The following BAMBI variants were observed in gnomAD, a reference collection of about 807,000 sequenced individuals.
BAMBI encodes BMP and activin membrane bound inhibitor.
In BAMBI, 21 loss-of-function variants were observed where a neutral mutation model predicts 24.1. The observed-to-expected ratio is 0.87, with a 90% confidence interval of 0.62 to 1.26. The LOEUF is 1.26. Ranked by LOEUF, BAMBI falls within the 50% of genes most tolerant of loss-of-function variation. BAMBI has a pLI of 0.00. For synonymous variants in BAMBI, 156 were observed against 123.1 expected (o/e 1.27, Z -1.77); for missense variants, 388 against 329.1 (o/e 1.18, Z -1.38).
intron 1 of BAMBI, 76 bp downstream of exon 1, chr10:28,678,049 T>A (rs1588642621): frequency 1.5e-6 from 2 of 1,344,550 alleles, no homozygotes; most frequent in South Asian, 2.7e-5. Flanking sequence ...AGAGGCTTTG[T>A]TAGCGGCAGG....
In BAMBI at chr10:28,682,134, C is replaced by T. The variant is rs1360248476; in HGVS notation, c.516C>T (p.Ala172=). 4 of 1,613,962 alleles carry T rather than the reference C, an allele frequency of 2.5e-6. No homozygotes were observed. The African/African-American group carries it at 4.0e-5, about 16-fold the overall frequency. Residue 172 remains alanine, a synonymous_variant, in exon 3 of 3, where the codon GCC becomes GCT. Coordinates refer to ENST00000375533, the MANE Select transcript of BAMBI (RefSeq NM_012342.3). ...TTTTAGTGTTGCTTATTATGTTGGC[C>T]CTGAGGATGCTTCGAAGTGAAAATA... The part of the protein sequence containing the change: ...GLILVLLIML[A]LRMLRSENKR...
chr10:28,679,532 T>C (rs532296465), intron 1 of BAMBI, among the ~76,000 whole-genome samples: 111 of 148,630 alleles, frequency 7.5e-4, no homozygotes, highest in African/African-American at 2.7e-3. Context: ...TGGCTCCAAT[T>C]AAAAAAAAAA....
In BAMBI at chr10:28,677,589, G is replaced by A; in HGVS notation, c.-309G>A. On this transcript the variant is annotated 5_prime_UTR_variant, in exon 1 of 3. Transcript: ENST00000375533. ...GTGGAGACCCTACTCTCTTCGCTGA[G>A]AACGGCCGCTAGCGGGGACTGAAGG... 5.0e-6 allele frequency: 1 copy of A among 199,498 alleles called. No individual in the cohort carries two copies. Among genetic ancestry groups the A allele is most frequent in the Non-Finnish European group, 1.0e-5 (1 of 99,678 alleles). The allele number at this position is 199,498 out of a possible 1,614,324, so 12.4% of individuals were successfully genotyped here. A position where few individuals can be genotyped will look rare whatever the true frequency, so the allele number is the denominator to read the frequency against.
rs1169749196 is a variant in BAMBI at position 28,682,394 on chromosome 10, T to C, written c.776T>C (p.Phe259Ser). The change falls in exon 3 of 3, where the codon TTC (phenylalanine) becomes TCC (serine). Residue 259 changes from phenylalanine to serine, a missense_variant. Transcript: ENST00000375533. ...TACAGTGGGCACGGGAAGCTGGAAT[T>C]CGTATGACGGAGTCTTATCTGAACT... ...GMYSGHGKLE[F>S]V 1 of 1,609,496 alleles carries C rather than the reference T, an allele frequency of 6.2e-7. No individual in the cohort carries two copies. The highest frequency in any genetic ancestry group is 8.5e-7 in the Non-Finnish European group (1 of 1,176,146).
intron 1 of BAMBI, 45 bp from the exon 2 acceptor site, chr10:28,681,213 C>G: frequency 6.3e-7 from 1 of 1,578,858 alleles, no homozygotes; most frequent in Non-Finnish European, 8.6e-7. Context: ...GTTGCTTTAT[C>G]TGGTCTCTGG....
chr10:28,678,873 A>G (rs1272750038), intron 1 of BAMBI, among the ~76,000 whole-genome samples: 1 of 150,920 alleles, frequency 6.6e-6, no homozygotes, highest in Non-Finnish European at 1.5e-5. Flanking sequence ...GCAGGCTTTC[A>G]CCTTTTAGAA....
intron 1 of BAMBI, among the ~76,000 whole-genome samples, chr10:28,678,490 T>C (rs1834462745): frequency 6.6e-6 from 1 of 152,234 alleles, no homozygotes; most frequent in African/African-American, 2.4e-5. Context: ...TCTCTTTGAA[T>C]GTATCTCTGA....
At chr10:28,679,793 G>A (rs961764859) in intron 1 of BAMBI, among the ~76,000 whole-genome samples, 2 of 152,188 alleles carry the variant, frequency 1.3e-5, no homozygotes, top group African/African-American at 4.8e-5. Context: ...AGCTTTATGT[G>A]GAAAATAAAG....
chr10:28,677,718 C>G lies in BAMBI; in HGVS notation c.-180C>G. Reference sequence around the variant, plus strand: ...GGGGACCGGGAAACTTTTCTGGGCTCCTGGGCGCGCCCTGTAGCCGCGCTC... The same window carrying G: ...GGGGACCGGGAAACTTTTCTGGGCTGCTGGGCGCGCCCTGTAGCCGCGCTC... On this transcript the variant is annotated 5_prime_UTR_variant, in exon 1 of 3. Coordinates refer to ENST00000375533, the MANE Select transcript of BAMBI (RefSeq NM_012342.3). The G allele has an allele frequency of 3.3e-6, 1 of 305,290 alleles. No homozygotes were observed. Among genetic ancestry groups the G allele is most frequent in the East Asian group, 5.9e-5 (1 of 17,024 alleles). The allele number at this position is 305,290 out of a possible 1,614,324, so 18.9% of individuals were successfully genotyped here. A position where few individuals can be genotyped will look rare whatever the true frequency, so the allele number is the denominator to read the frequency against.
At chr10:28,679,462 A>G (rs1834473719) in intron 1 of BAMBI, among the ~76,000 whole-genome samples, 1 of 152,134 alleles carries the variant, frequency 6.6e-6, no homozygotes, top group South Asian at 2.1e-4. Flanking sequence ...AAACTTTATG[A>G]ACGACAGAAA....
rs1246030484 is a variant in BAMBI at position 28,677,882 on chromosome 10, G to A, written c.-16G>A. 5 of 1,497,398 alleles carry A rather than the reference G, an allele frequency of 3.3e-6. No individual in the cohort carries two copies. Among genetic ancestry groups the A allele is most frequent in the South Asian group, 2.5e-5 (2 of 80,164 alleles). The allele number at this position is 1,497,398 out of a possible 1,614,324, so 92.8% of individuals were successfully genotyped here. ...TCCGGAAGCCGGCGGGGGCGCCGCG[G>A]CCGTGCGGGGCGTCAATGGATCGCC... is the stretch of plus-strand genomic sequence containing the variant. On this transcript the variant is annotated 5_prime_UTR_variant, in exon 1 of 3. Transcript: ENST00000375533.
At chr10:28,679,655 C>G (rs1367513146) in intron 1 of BAMBI, among the ~76,000 whole-genome samples, 1 of 152,102 alleles carries the variant, frequency 6.6e-6, no homozygotes, top group Admixed American at 6.6e-5. Context: ...TTCAGTCTTC[C>G]TTTTCTGTAC....
chr10:28,681,350 GATCCTC>G lies in BAMBI; in HGVS notation c.171_176del (p.Asp57_Gln59delinsGlu). 6.2e-7 allele frequency: 1 copy of G among 1,614,156 alleles called. No homozygotes were observed. Among genetic ancestry groups the G allele is most frequent in the Non-Finnish European group, 8.5e-7 (1 of 1,180,030 alleles). On this transcript the variant is annotated inframe_deletion, in exon 2 of 3. Coordinates refer to ENST00000375533, the MANE Select transcript of BAMBI (RefSeq NM_012342.3). ...CAGCGCCTGCTTCTCTAGACTTCTTGATCCTCAGAACTCAAATTCCCCACTCACCCA... is the reference window on the plus strand; with the variant it reads ...CAGCGCCTGCTTCTCTAGACTTCTTGAGAACTCAAATTCCCCACTCACCCA...
In BAMBI at chr10:28,682,271, C is replaced by G; in HGVS notation, c.653C>G (p.Pro218Arg). The G allele has an allele frequency of 6.2e-7, 1 of 1,614,080 alleles. No homozygotes were observed. Among genetic ancestry groups the G allele is most frequent in the African/African-American group, 1.3e-5 (1 of 74,984 alleles). ...VAKLDLECMV[P>R]VSGHENCCLT... ...AAGTTAGACTTGGAATGCATGGTGC[C>G]GGTCAGTGGGCACGAGAACTGCTGT... The change falls in exon 3 of 3, where the codon CCG (proline) becomes CGG (arginine). Residue 218 changes from proline (P) to arginine (R), a missense_variant. By Grantham distance (103) the Pro-to-Arg change is moderately radical. Transcript: ENST00000375533.
intron 1 of BAMBI, among the ~76,000 whole-genome samples, chr10:28,680,023 C>G (rs576148618): frequency 1.3e-5 from 2 of 152,120 alleles, no homozygotes; most frequent in Non-Finnish European, 2.9e-5. Flanking sequence ...CATACAATAC[C>G]GTGGTCTGGA....
chr10:28,681,953 A>G, intron 2 of BAMBI, 30 bp from the exon 3 acceptor site: 1 of 1,575,618 alleles, frequency 6.3e-7, no homozygotes, highest in Non-Finnish European at 8.7e-7. Flanking sequence ...GTTAGCATGG[A>G]GTTTGATCAT....
At chr10:28,679,317 A>C (rs1834472176) in intron 1 of BAMBI, among the ~76,000 whole-genome samples, 1 of 152,244 alleles carries the variant, frequency 6.6e-6, no homozygotes, top group African/African-American at 2.4e-5. Context: ...TCTCTCCTGT[A>C]GCCATCTTGA....
At chr10:28,678,383 G>A (rs1834461363) in intron 1 of BAMBI, among the ~76,000 whole-genome samples, 1 of 152,206 alleles carries the variant, frequency 6.6e-6, no homozygotes, top group South Asian at 2.1e-4. Flanking sequence ...GTGTGTCTCT[G>A]AGTCTCAGTA....
At chr10:28,680,739 T>G (rs189359251) in intron 1 of BAMBI, among the ~76,000 whole-genome samples, 1 of 152,372 alleles carries the variant, frequency 6.6e-6, no homozygotes. Context: ...TTCATAGTTT[T>G]AAAACCTCCT....
Sources: gnomAD v4.1 joint callset for allele counts (sites outside exome capture counted in the v4.1 genomes callset) on GRCh38, gnomAD v4.1.1 for gene constraint, MANE v1.5 for transcripts, NCBI Gene and HGNC (gene_info 2026-07-23, HGNC 2026-07-21) for gene names.